Variants in RBM44 observed in about 807,000 individuals in gnomAD.
RBM44 encodes the protein RNA binding motif protein 44, also known as RNA-binding protein 44.
RBM44 carries 66 observed loss-of-function variants against 105.1 expected under a neutral mutation model. That is an observed-to-expected ratio of 0.63 (90% CI 0.52 to 0.77). The LOEUF is 0.77. Among genes scored for constraint, RBM44 ranks in the 30% least tolerant of loss-of-function variants. The pLI, the probability that RBM44 is intolerant of heterozygous loss-of-function variation, is 0.00. For missense variants in RBM44, 1,122 were observed against 1,207.8 expected (o/e 0.93, Z 1.05); for synonymous variants, 365 against 417.6 (o/e 0.87, Z 1.54).
At position 237,819,926 on chromosome 2, in the gene RBM44, C is replaced by T. The variant is rs577060837; in HGVS notation, c.1737-249C>T. On this transcript the variant is annotated intron_variant, in intron 4 of 15. Transcript: ENST00000316997. ...ATAAACAATTCTCAAATTCATACTT[C>T]CTTTTTTGGTAAAAGAAAGTATGAA... Among the ~76,000 whole-genome samples, 19 of 151,810 alleles carry T rather than the reference C, an allele frequency of 1.3e-4. No homozygotes were observed. In the East Asian group the frequency reaches 2.3e-3, roughly 19 times the overall value.
chr2:237,818,861 A>T lies in RBM44; in HGVS notation c.1678-40A>T. 9.0e-7 allele frequency: 1 copy of T among 1,110,836 alleles called. No homozygotes were observed. The highest frequency in any genetic ancestry group is 1.3e-6 in the Non-Finnish European group (1 of 765,072). The allele number at this position is 1,110,836 out of a possible 1,614,324, so 68.8% of individuals were successfully genotyped here. A position where few individuals can be genotyped will look rare whatever the true frequency, so the allele number is the denominator to read the frequency against. On this transcript the variant is annotated intron_variant, in intron 3 of 15. Coordinates refer to ENST00000316997, the MANE Select transcript of RBM44 (RefSeq NM_001080504.3). This position sits in a 1 kb window ranked among gnomAD's most constrained non-coding sequence, Gnocchi z 4.6. ...ACATTTTATTAGTTTGGAATTTCAGATATAACTTTTTTAAATTTAATTTTA... is the reference window on the plus strand; with the variant it reads ...ACATTTTATTAGTTTGGAATTTCAGTTATAACTTTTTTAAATTTAATTTTA...
At position 237,821,239 on chromosome 2, in the gene RBM44, T is replaced by G; in HGVS notation, c.2082T>G (p.Ser694=). ...AATCAAAATTATTATCTACCTTCTCTACTTTTGCTTCCAGGGTATGTATAT... is the reference window on the plus strand; with the variant it reads ...AATCAAAATTATTATCTACCTTCTCGACTTTTGCTTCCAGGGTATGTATAT... ...SLESKLLSTF[S]TFASRLMKKE... Residue 694 remains serine, a synonymous_variant, in exon 6 of 16, where the codon TCT becomes TCG. Transcript: ENST00000316997. 1.2e-6 allele frequency: 2 copies of G among 1,601,028 alleles called. No individual in the cohort carries two copies. Among genetic ancestry groups the G allele is most frequent in the Non-Finnish European group, 1.7e-6 (2 of 1,173,050 alleles).
intron 13 of RBM44, among the ~76,000 whole-genome samples, chr2:237,832,156 C>CTTT (rs1298405099): frequency 7.1e-6 from 1 of 140,242 alleles, no homozygotes; most frequent in African/African-American, 2.6e-5. Context: ...TAATTTCAGT[C>CTTT]TTTTTTTTTT....
chr2:237,820,708 T>C, intron 5 of RBM44: 1 of 229,934 alleles, frequency 4.3e-6, no homozygotes. Context: ...CATTTTTTTC[T>C]TTTACTCAGC....
At position 237,821,665 on chromosome 2, in the gene RBM44, A is replaced by G. The variant is rs552354690; in HGVS notation, c.2121-78A>G. 6.6e-5 allele frequency: 66 copies of G among 997,272 alleles called. No individual in the cohort carries two copies. The African/African-American group carries it at 1.0e-3, about 15-fold the overall frequency. 61.8% of individuals were successfully genotyped at this position (997,272 alleles called of 1,614,324 possible). ...TCCTCTCTTTTAGCTACTTTGAAATATACATTGTAGTTAACTATAGTCACC... is the reference window on the plus strand; with the variant it reads ...TCCTCTCTTTTAGCTACTTTGAAATGTACATTGTAGTTAACTATAGTCACC... On this transcript the variant is annotated intron_variant, in intron 7 of 15. Transcript: ENST00000316997.
chr2:237,823,568 TG>T lies in RBM44; in HGVS notation c.2320+15del. Reference sequence around the variant, plus strand: ...TTGGTGATAAAGGTTAGTATAAAAATGTGTTATCTTGTATAGTTGCTGGAAA... The same window carrying T: ...TTGGTGATAAAGGTTAGTATAAAAATTGTTATCTTGTATAGTTGCTGGAAA... On this transcript the variant is annotated intron_variant, in intron 9 of 15. Transcript: ENST00000316997. 8.8e-7 allele frequency: 1 copy of T among 1,130,760 alleles called. No individual in the cohort carries two copies. Among genetic ancestry groups the T allele is most frequent in the Non-Finnish European group, 1.3e-6 (1 of 765,670 alleles). 70.0% of individuals were successfully genotyped at this position (1,130,760 alleles called of 1,614,324 possible).
At chr2:237,804,062 G>T (rs1278114923) in intron 1 of RBM44, among the ~76,000 whole-genome samples, 1 of 151,954 alleles carries the variant, frequency 6.6e-6, no homozygotes, top group Non-Finnish European at 1.5e-5. Flanking sequence ...TAGAGACAGG[G>T]TTTCACCATG....
At chr2:237,839,511 C>T (rs564149198) in intron 15 of RBM44, among the ~76,000 whole-genome samples, 5 of 138,798 alleles carry the variant, frequency 3.6e-5, no homozygotes, top group South Asian at 4.8e-4. Flanking sequence ...CCTTGTGATC[C>T]GCCCGCCTTG....
intron 10 of RBM44, among the ~76,000 whole-genome samples, chr2:237,825,211 G>T (rs1001050861): frequency 6.6e-6 from 1 of 151,642 alleles, no homozygotes; most frequent in African/African-American, 2.4e-5. Context: ...CTAGTTTTGG[G>T]GTTTTGTTGT....
At chr2:237,828,115 G>A (rs2061866193) in intron 12 of RBM44, among the ~76,000 whole-genome samples, 1 of 152,122 alleles carries the variant, frequency 6.6e-6, no homozygotes, top group African/African-American at 2.4e-5. Flanking sequence ...TCATTTACAT[G>A]TAGTCAGTCT....
At chr2:237,816,693 C>G (rs2061720680) in intron 2 of RBM44, among the ~76,000 whole-genome samples, 1 of 152,098 alleles carries the variant, frequency 6.6e-6, no homozygotes, top group Non-Finnish European at 1.5e-5. Context: ...GGGAGGCAAG[C>G]TCTTTTGGTC....
Position 237,800,764 on chromosome 2 carries a change from T to C in RBM44, c.-19+1903T>C, listed in dbSNP as rs568749455. 3.2e-3 allele frequency among the ~76,000 whole-genome samples: 477 copies of C among 151,336 alleles called. 2 individuals carry two copies. The highest frequency in any genetic ancestry group is 5.2e-3 in the Non-Finnish European group (354 of 67,846). ...TTTTTGAGGCGGAGTTTCACTCTTG[T>C]TTCCCAGGCTCGAGTGCAATGGCAT... is the stretch of plus-strand genomic sequence containing the variant. On this transcript the variant is annotated intron_variant, in intron 1 of 15. Coordinates refer to ENST00000316997, the MANE Select transcript of RBM44 (RefSeq NM_001080504.3).
chr2:237,839,260 G>A (rs534210797), intron 15 of RBM44, among the ~76,000 whole-genome samples: 1 of 152,170 alleles, frequency 6.6e-6, no homozygotes, highest in South Asian at 2.1e-4. Flanking sequence ...TTTTGGGTGT[G>A]GGGAGGGGTT....
intron 15 of RBM44, among the ~76,000 whole-genome samples, chr2:237,839,602 G>A (rs2061992045): frequency 6.6e-6 from 1 of 152,138 alleles, no homozygotes; most frequent in Non-Finnish European, 1.5e-5. Flanking sequence ...CATGCAGAAA[G>A]TGAAGTTGGA....
rs980427639 is a variant in RBM44, at chr2:237,820,239, C to T, written c.1801C>T (p.Gln601Ter). 1 of 1,591,618 alleles carries T rather than the reference C, an allele frequency of 6.3e-7. No individual in the cohort carries two copies. Among genetic ancestry groups the T allele is most frequent in the Non-Finnish European group, 8.6e-7 (1 of 1,167,070 alleles). ...LPSMCCQKIMQRAIKAELHLL... is the reference protein window; with the variant it reads ...LPSMCCQKIM The stretch of plus-strand genomic sequence containing the variant: ...ATCAATGTGCTGTCAGAAGATAATG[C>T]AGAGAGCCATAAAAGCAGAGCTGCA... Residue 601 changes from glutamine (Q) to a stop codon, truncating the protein, a stop_gained, in exon 5 of 16, where the codon CAG becomes TAG. Coordinates refer to ENST00000316997, the MANE Select transcript of RBM44 (RefSeq NM_001080504.3). LOFTEE classifies it high-confidence loss of function.
At chr2:237,840,786 A>G (rs1316966533) in intron 15 of RBM44, among the ~76,000 whole-genome samples, 1 of 152,242 alleles carries the variant, frequency 6.6e-6, no homozygotes, top group Non-Finnish European at 1.5e-5. Flanking sequence ...TCTCAAAAGA[A>G]TACATTCACG....
intron 1 of RBM44, among the ~76,000 whole-genome samples, chr2:237,806,392 C>G (rs2061599681): frequency 6.6e-6 from 1 of 152,142 alleles, no homozygotes; most frequent in African/African-American, 2.4e-5. Context: ...TTCCATCCTA[C>G]TTTCTTTGGG....
rs1021101660 is a variant in RBM44 at position 237,817,915 on chromosome 2, A to G, written c.996A>G (p.Lys332=). The G allele has an allele frequency of 1.3e-6, 2 of 1,597,950 alleles. No individual in the cohort carries two copies. The highest frequency in any genetic ancestry group is 2.7e-5 in the African/African-American group (2 of 73,592). The change falls in exon 3 of 16, where the codon AAA becomes AAG. Residue 332 remains lysine (K), a synonymous_variant. Transcript: ENST00000316997. ...TGAAAATTTATACTGAAAACATGAA[A>G]TCTCAAATAAATGAAGGTAAAGATT... The part of the protein sequence containing the change: ...LKMKIYTENM[K]SQINEGKDFC...
intron 1 of RBM44, among the ~76,000 whole-genome samples, chr2:237,804,466 G>T (rs886657283): frequency 1.3e-5 from 2 of 152,146 alleles, no homozygotes; most frequent in East Asian, 3.9e-4. Flanking sequence ...TTGACTTCTT[G>T]ATAATAGCCA....
Sources: allele counts gnomAD v4.1 joint callset (sites outside exome capture counted in the v4.1 genomes callset), GRCh38; gene constraint gnomAD v4.1.1; non-coding constraint Gnocchi (gnomAD v3.1); transcripts MANE v1.5; gene names NCBI Gene and HGNC (gene_info 2026-07-23, HGNC 2026-07-21).